The following ZNF573 variants were observed in gnomAD, a reference collection of about 807,000 sequenced individuals.
ZNF573 encodes zinc finger protein 573.
In ZNF573, 41 loss-of-function variants were observed where a neutral mutation model predicts 57.4. The ratio of observed to expected loss-of-function variants is 0.71; its 90% CI spans 0.56 to 0.93. The LOEUF is 0.93. ZNF573 is among the 40% of genes least tolerant of loss of function. ZNF573 has a pLI of 0.00. For missense variants in ZNF573, 730 were observed against 794.8 expected (o/e 0.92, Z 0.98); for synonymous variants, 249 against 261.0 (o/e 0.95, Z 0.44).
At chr19:37,740,763 C>T (rs1715978605) in intron 4 of ZNF573, 2 of 337,228 alleles carry the variant, frequency 5.9e-6, no homozygotes, top group Non-Finnish European at 1.2e-5. Context: ...AGTTCCAGGA[C>T]CTCCTGCAGA....
At chr19:37,777,052 T>C (rs955587616) in intron 1 of ZNF573, among the ~76,000 whole-genome samples, 3 of 152,178 alleles carry the variant, frequency 2.0e-5, no homozygotes, top group African/African-American at 7.2e-5. Context: ...CAAAAACTAG[T>C]ACAACCACTA....
Position 37,738,695 on chromosome 19 carries a change from GGGTAA to G in ZNF573, c.1790_1794del (p.Leu597ProfsTer13). Reference sequence around the variant, plus strand: ...CCACCAGTATGAATTTTCTGATGTTGGGTAAGGTAGCCATACATTTTAAAGGCCTT... The same window carrying G: ...CCACCAGTATGAATTTTCTGATGTTGGGTAGCCATACATTTTAAAGGCCTT... On this transcript the variant is annotated frameshift_variant, in exon 5 of 5. Transcript: ENST00000536220. LOFTEE classifies it high-confidence loss of function. The G allele has an allele frequency of 1.2e-6, 2 of 1,611,172 alleles. No homozygotes were observed. Among genetic ancestry groups the G allele is most frequent in the Non-Finnish European group, 1.7e-6 (2 of 1,179,032 alleles).
At chr19:37,747,086 C>T (rs190140121) in intron 4 of ZNF573, among the ~76,000 whole-genome samples, 3 of 152,022 alleles carry the variant, frequency 2.0e-5, no homozygotes, top group East Asian at 1.9e-4. Flanking sequence ...GAAGTTGAAA[C>T]GGTATGGGTG....
intron 4 of ZNF573, among the ~76,000 whole-genome samples, chr19:37,746,270 C>A (rs1333057907): frequency 2.0e-5 from 3 of 152,160 alleles, no homozygotes; most frequent in Non-Finnish European, 1.5e-5. Context: ...ACAAACACTA[C>A]TCAAGTGAGT....
At chr19:37,772,722 C>T (rs2045670420) in intron 2 of ZNF573, among the ~76,000 whole-genome samples, 1 of 151,824 alleles carries the variant, frequency 6.6e-6, no homozygotes, top group South Asian at 2.1e-4. Context: ...CAGCCTTGAC[C>T]TCCCACGCTC....
intron 4 of ZNF573, among the ~76,000 whole-genome samples, chr19:37,761,312 CT>C (rs1393591733): frequency 1.3e-5 from 2 of 152,114 alleles, no homozygotes; most frequent in East Asian, 3.8e-4. Flanking sequence ...TATTGTTTTC[CT>C]GGGACTCACA....
intron 4 of ZNF573, among the ~76,000 whole-genome samples, chr19:37,755,597 C>T (rs1045382575): frequency 6.6e-6 from 1 of 151,974 alleles, no homozygotes; most frequent in Non-Finnish European, 1.5e-5. Flanking sequence ...AAAATTATAA[C>T]TGTGTAAACA....
chr19:37,743,978 G>C (rs996536372), intron 4 of ZNF573, among the ~76,000 whole-genome samples: 1 of 152,146 alleles, frequency 6.6e-6, no homozygotes, highest in Non-Finnish European at 1.5e-5. Context: ...ACACACCAGG[G>C]CCTGTTGGGG....
At chr19:37,746,295 TG>T (rs1264260132) in intron 4 of ZNF573, among the ~76,000 whole-genome samples, 1 of 152,098 alleles carries the variant, frequency 6.6e-6, no homozygotes, top group Non-Finnish European at 1.5e-5. Context: ...TTGATGCTCA[TG>T]GGGGTACAGG....
chr19:37,776,298 T>A (rs1363382870), intron 1 of ZNF573, among the ~76,000 whole-genome samples: 3 of 152,050 alleles, frequency 2.0e-5, no homozygotes, highest in African/African-American at 7.2e-5. Flanking sequence ...TGTAGACCAA[T>A]GGAAGAGAAT....
At chr19:37,741,211 C>T (rs2045323987) in intron 4 of ZNF573, among the ~76,000 whole-genome samples, 1 of 152,146 alleles carries the variant, frequency 6.6e-6, no homozygotes, top group African/African-American at 2.4e-5. Flanking sequence ...TACCTGCTAA[C>T]TCTGTCTGTC....
At position 37,739,563 on chromosome 19, in the gene ZNF573, C is replaced by T. The variant is rs1332873872; in HGVS notation, c.927G>A (p.Lys309=). 6.2e-7 allele frequency: 1 copy of T among 1,613,272 alleles called. No individual in the cohort carries two copies. Among genetic ancestry groups the T allele is most frequent in the East Asian group, 2.2e-5 (1 of 44,884 alleles). Residue 309 remains lysine, a synonymous_variant, in exon 5 of 5, where the codon AAG becomes AAA. Coordinates refer to ENST00000536220, the MANE Select transcript of ZNF573 (RefSeq NM_001172690.2). The part of the protein sequence containing the change: ...EKPYICEKCG[K]AFRRGHQLTV... The stretch of plus-strand genomic sequence containing the variant: ...TAAGCTGGTGACCTCTTCTAAAGGC[C>T]TTTCCACATTTCTCACATATGTATG...
intron 1 of ZNF573, among the ~76,000 whole-genome samples, 155 bp downstream of exon 1, chr19:37,779,389 T>C (rs1055564564): frequency 6.6e-6 from 1 of 152,148 alleles, no homozygotes; most frequent in African/African-American, 2.4e-5. Context: ...GAGATTCCGA[T>C]AACAACTGGC....
intron 4 of ZNF573, among the ~76,000 whole-genome samples, chr19:37,744,740 CAAAAA>C (rs1193916273): frequency 2.6e-5 from 1 of 38,634 alleles, no homozygotes; most frequent in African/African-American, 9.8e-5. Flanking sequence ...GACCCTATCT[CAAAAA>C]AAAAAAAAAA....
chr19:37,738,476 C>G lies in ZNF573; in HGVS notation c.*16G>C, dbSNP rs566498803. The G allele has an allele frequency of 6.6e-7, 1 of 1,513,462 alleles. No individual in the cohort carries two copies. The highest frequency in any genetic ancestry group is 1.4e-5 in the South Asian group (1 of 72,194). 93.8% of individuals were successfully genotyped at this position (1,513,462 alleles called of 1,614,324 possible). ...GCTGTCTGATGATGAATGGCGCGCTCGTACTCTTTACGGTCTTACACTTTT... is the reference window on the plus strand; with the variant it reads ...GCTGTCTGATGATGAATGGCGCGCTGGTACTCTTTACGGTCTTACACTTTT... On this transcript the variant is annotated 3_prime_UTR_variant, in exon 5 of 5. Coordinates refer to ENST00000536220, the MANE Select transcript of ZNF573 (RefSeq NM_001172690.2).
rs1485248118 is a variant in ZNF573, at chr19:37,739,363, T to C, written c.1127A>G (p.His376Arg). ...TFTLYRNLTR[H>R]QNIHTGEKLF... Reference sequence around the variant, plus strand: ...TTTCTCACCAGTATGAATATTCTGATGCCGAGTAAGATTTCTATACAAAGT... The same window carrying C: ...TTTCTCACCAGTATGAATATTCTGACGCCGAGTAAGATTTCTATACAAAGT... The change falls in exon 5 of 5, where the codon CAT becomes CGT. Residue 376 changes from histidine (H) to arginine (R), a missense_variant. Coordinates refer to ENST00000536220, the MANE Select transcript of ZNF573 (RefSeq NM_001172690.2). The C allele has an allele frequency of 6.2e-7, 1 of 1,614,176 alleles. No individual in the cohort carries two copies. The highest frequency in any genetic ancestry group is 8.5e-7 in the Non-Finnish European group (1 of 1,180,028).
intron 3 of ZNF573, 30 bp downstream of exon 3, chr19:37,771,534 T>G: frequency 1.2e-6 from 2 of 1,602,372 alleles, no homozygotes; most frequent in Non-Finnish European, 1.7e-6. Flanking sequence ...ACAGATCACA[T>G]TTTAAATTAC....
At position 37,739,117 on chromosome 19, in the gene ZNF573, G is replaced by A; in HGVS notation, c.1373C>T (p.Thr458Ile). Residue 458 changes from threonine to isoleucine, a missense_variant, in exon 5 of 5, where the codon ACT (threonine) becomes ATT (isoleucine). By Grantham distance (89) the Thr-to-Ile change is moderately conservative. Coordinates refer to ENST00000536220, the MANE Select transcript of ZNF573 (RefSeq NM_001172690.2). The stretch of plus-strand genomic sequence containing the variant: ...ACCAGTGTGAATATTCTGATGTCGA[G>A]TAAGATTTCTATACAAAGTAAAGGT... ...KKTFTLYRNLTRHQNIHTGKK... is the reference protein window; with the variant it reads ...KKTFTLYRNLIRHQNIHTGKK... 1 of 1,613,496 alleles carries A rather than the reference G, an allele frequency of 6.2e-7. No individual in the cohort carries two copies. Among genetic ancestry groups the A allele is most frequent in the Non-Finnish European group, 8.5e-7 (1 of 1,179,868 alleles).
In ZNF573 at chr19:37,740,172, T is replaced by C; in HGVS notation, c.318A>G (p.Ile106Met). The part of the protein sequence containing the change: ...QFTDLDLQCE[I>M]ISYIEVPTYE... Reference sequence around the variant, plus strand: ...AAGTGGGTACTTCTATGTAGCTGATTATCTCACACTGTAAATCCAAATCTG... The same window carrying C: ...AAGTGGGTACTTCTATGTAGCTGATCATCTCACACTGTAAATCCAAATCTG... Residue 106 changes from isoleucine (I) to methionine (M), a missense_variant, in exon 5 of 5, where the codon ATA becomes ATG. Ile to Met is a conservative substitution (Grantham distance 10). Transcript: ENST00000536220. The C allele has an allele frequency of 6.3e-7, 1 of 1,579,126 alleles. No individual in the cohort carries two copies. Among genetic ancestry groups the C allele is most frequent in the Non-Finnish European group, 8.6e-7 (1 of 1,163,156 alleles).
Sources: allele counts gnomAD v4.1 joint callset (sites outside exome capture counted in the v4.1 genomes callset), GRCh38; gene constraint gnomAD v4.1.1; transcripts MANE v1.5; gene names NCBI Gene and HGNC (gene_info 2026-07-23, HGNC 2026-07-21).